The following AFAP1 variants were observed in gnomAD, a reference collection of about 807,000 sequenced individuals.
AFAP1 encodes actin filament-associated protein 1.
A neutral mutation model predicts 93.9 loss-of-function variants in AFAP1; 75 were observed. That is an observed-to-expected ratio of 0.80 (90% CI 0.66 to 0.97). The LOEUF (loss-of-function observed/expected upper bound fraction) is 0.97. Among genes scored for constraint, AFAP1 ranks in the 50% least tolerant of loss-of-function variants. The probability of loss-of-function intolerance (pLI) is 0.00; values close to 1 mark genes in which losing one functional copy is unlikely to be tolerated. For missense variants in AFAP1, 1,201 were observed against 1,050.8 expected, an observed-to-expected ratio of 1.14 and a Z score of -1.98; for synonymous variants, 517 against 430.7, an observed-to-expected ratio of 1.20 and a Z score of -2.48.
intron 13 of AFAP1, among the ~76,000 whole-genome samples, chr4:7,779,354 T>C (rs1162063117): frequency 2.6e-5 from 4 of 152,200 alleles, no homozygotes; most frequent in African/African-American, 9.7e-5. Context: ...CGCCTTCTTA[T>C]CGCCGACGGA....
chr4:7,926,226 G>C (rs1386110977), intron 1 of AFAP1, among the ~76,000 whole-genome samples: 1 of 152,198 alleles, frequency 6.6e-6, no homozygotes, highest in South Asian at 2.1e-4. Context: ...CCATAATTAA[G>C]AGGAGATTCT....
intron 7 of AFAP1, among the ~76,000 whole-genome samples, chr4:7,816,511 A>C (rs1485253087): frequency 2.0e-5 from 3 of 152,220 alleles, no homozygotes; most frequent in Non-Finnish European, 4.4e-5. Flanking sequence ...CCAATAATTA[A>C]TTGGGTGAGT....
chr4:7,939,808 A>T lies in AFAP1; in HGVS notation c.-155T>A. The T allele has an allele frequency of 3.1e-6, 1 of 322,938 alleles. No individual in the cohort carries two copies. Among genetic ancestry groups the T allele is most frequent in the Non-Finnish European group, 5.9e-6 (1 of 169,018 alleles). The allele number at this position is 322,938 out of a possible 1,614,324, so 20.0% of individuals were successfully genotyped here. A position where few individuals can be genotyped will look rare whatever the true frequency, so the allele number is the denominator to read the frequency against. On this transcript the variant is annotated 5_prime_UTR_variant, in exon 1 of 18. Coordinates refer to ENST00000420658, the MANE Select transcript of AFAP1 (RefSeq NM_001134647.2). This position sits in a 1 kb window ranked among gnomAD's most constrained non-coding sequence, Gnocchi z 5.6. ...CCTCAGCCCGTGTACCCCGCTCGAG[A>T]TCCGGCTCGGCTCGCGGAGCTGCAG... is the stretch of plus-strand genomic sequence containing the variant.
At chr4:7,926,504 G>A (rs994265444) in intron 1 of AFAP1, among the ~76,000 whole-genome samples, 3 of 152,114 alleles carry the variant, frequency 2.0e-5, no homozygotes, top group Non-Finnish European at 2.9e-5. Flanking sequence ...GTTAGAAGAC[G>A]CACTGCTCAG....
At chr4:7,785,969 T>G (rs1414718297) in intron 12 of AFAP1, among the ~76,000 whole-genome samples, 1 of 152,204 alleles carries the variant, frequency 6.6e-6, no homozygotes, top group Non-Finnish European at 1.5e-5. Context: ...TGACATTAAA[T>G]GACAAACTGT....
intron 1 of AFAP1, among the ~76,000 whole-genome samples, chr4:7,892,766 C>T (rs1036450084): frequency 7.9e-5 from 12 of 152,000 alleles, no homozygotes; most frequent in Admixed American, 2.0e-4. Context: ...TATTCCATGA[C>T]GCATTTGAGA....
rs767051855 is a variant in AFAP1 at position 7,774,754 on chromosome 4, T to C, written c.2047A>G (p.Ile683Val). ...RKERKDLRAA[I>V]EVNAGRKPQA... ...CCCTTCATACCGGCGTTCACTTCAA[T>C]AGCCGCTCGAAGGTCTTTTCTTTCC... The change falls in exon 15 of 18, where the codon ATT becomes GTT. Residue 683 changes from isoleucine to valine, a missense_variant. Coordinates refer to ENST00000420658, the MANE Select transcript of AFAP1 (RefSeq NM_001134647.2). The C allele has an allele frequency of 7.4e-6, 12 of 1,614,094 alleles. No homozygotes were observed. Among genetic ancestry groups the C allele is most frequent in the South Asian group, 6.6e-5 (6 of 91,080 alleles).
chr4:7,929,169 C>G (rs1720927603), intron 1 of AFAP1, among the ~76,000 whole-genome samples: 1 of 152,108 alleles, frequency 6.6e-6, no homozygotes, highest in South Asian at 2.1e-4. Flanking sequence ...CTCCTGCCCC[C>G]TGTACAACAG....
At chr4:7,766,469 CT>C (rs1390220039) in intron 17 of AFAP1, among the ~76,000 whole-genome samples, 3 of 152,204 alleles carry the variant, frequency 2.0e-5, no homozygotes, top group African/African-American at 7.2e-5. Context: ...CTAGGTCACA[CT>C]GGCCACAGAA....
intron 9 of AFAP1, among the ~76,000 whole-genome samples, chr4:7,802,666 G>C (rs1719155401): frequency 6.9e-6 from 1 of 144,028 alleles, no homozygotes; most frequent in African/African-American, 2.6e-5. Flanking sequence ...TTTGAGACAG[G>C]AGTCTTGCTC....
intron 3 of AFAP1, among the ~76,000 whole-genome samples, chr4:7,860,284 T>A (rs766652500): frequency 6.7e-6 from 1 of 149,212 alleles, no homozygotes; most frequent in Non-Finnish European, 1.5e-5. Flanking sequence ...TGTGTGTATA[T>A]GTGTGACAGG....
At chr4:7,874,530 A>ATTTTTTTTTTTTTTTTTTT (rs71175435) in intron 1 of AFAP1, among the ~76,000 whole-genome samples, 1 of 51,508 alleles carries the variant, frequency 1.9e-5, no homozygotes, top group African/African-American at 1.1e-4. Context: ...TGCCCAGCTA[A>ATTTTTTTTTTTTTTTTTTT]TTTTTTTTTT....
chr4:7,817,715 C>T (rs1720604432), intron 7 of AFAP1, among the ~76,000 whole-genome samples: 1 of 149,752 alleles, frequency 6.7e-6, no homozygotes, highest in African/African-American at 2.5e-5. Flanking sequence ...ATGTTTGTGG[C>T]TTAAGAGTTG....
In AFAP1 at chr4:7,939,704, C is replaced by T. The variant is rs1355759572; in HGVS notation, c.-51G>A. The T allele has an allele frequency of 5.5e-5, 23 of 414,932 alleles. No individual in the cohort carries two copies. The East Asian group carries it at 5.8e-4, about 11-fold the overall frequency. 25.7% of individuals were successfully genotyped at this position (414,932 alleles called of 1,614,324 possible). A position where few individuals can be genotyped will look rare whatever the true frequency, so the allele number is the denominator to read the frequency against. ...TCGCTCCTCGCCGCGGCGCCTGGGC[C>T]GACTGGAGCGCAGCTGAACAGCCGA... is the stretch of plus-strand genomic sequence containing the variant. On this transcript the variant is annotated 5_prime_UTR_variant, in exon 1 of 18. Coordinates refer to ENST00000420658, the MANE Select transcript of AFAP1 (RefSeq NM_001134647.2). The surrounding 1 kb of genome is among the most constrained non-coding windows in gnomAD (Gnocchi z 5.6).
At chr4:7,848,549 A>G (rs1016809895) in intron 4 of AFAP1, among the ~76,000 whole-genome samples, 1 of 152,142 alleles carries the variant, frequency 6.6e-6, no homozygotes, top group Non-Finnish European at 1.5e-5. Context: ...GAAGTCTCCC[A>G]GCTCACGGAA....
intron 6 of AFAP1, among the ~76,000 whole-genome samples, chr4:7,831,639 G>C (rs1711631025): frequency 6.6e-6 from 1 of 152,194 alleles, no homozygotes; most frequent in Non-Finnish European, 1.5e-5. Flanking sequence ...TGTCAGACCA[G>C]CACCAGCAAG....
chr4:7,930,159 T>C (rs373462299), intron 1 of AFAP1, among the ~76,000 whole-genome samples: 4 of 152,222 alleles, frequency 2.6e-5, no homozygotes, highest in East Asian at 3.9e-4. Context: ...CTTACTCTTA[T>C]GGTTTATTAC....
Position 7,786,363 on chromosome 4 carries a change from A to C in AFAP1, c.1413-52T>G, listed in dbSNP as rs778679811. The C allele has an allele frequency of 6.2e-6, 9 of 1,463,062 alleles. No homozygotes were observed. In the South Asian group the frequency reaches 9.1e-5, roughly 15 times the overall value. 90.6% of individuals were successfully genotyped at this position (1,463,062 alleles called of 1,614,324 possible). A position where few individuals can be genotyped will look rare whatever the true frequency, so the allele number is the denominator to read the frequency against. ...CCATAACCTGACCACCTTTTACTCCAATCAGTCAAGTCTTTAATGAGTTCT... is the reference window on the plus strand; with the variant it reads ...CCATAACCTGACCACCTTTTACTCCCATCAGTCAAGTCTTTAATGAGTTCT... On this transcript the variant is annotated intron_variant, in intron 11 of 17. Transcript: ENST00000420658.
chr4:7,832,029 C>G (rs986796211), intron 6 of AFAP1, among the ~76,000 whole-genome samples: 12 of 152,176 alleles, frequency 7.9e-5, no homozygotes, highest in Non-Finnish European at 1.8e-4. Context: ...CATGGTAGCA[C>G]TTCGCCCACC....
Sources: gnomAD v4.1 joint callset for allele counts (sites outside exome capture counted in the v4.1 genomes callset) on GRCh38, gnomAD v4.1.1 for gene constraint, Gnocchi (gnomAD v3.1) non-coding constraint, MANE v1.5 for transcripts, NCBI Gene and HGNC (gene_info 2026-07-23, HGNC 2026-07-21) for gene names.